Variants in CACNB2 observed in about 807,000 individuals in gnomAD.
The protein encoded by CACNB2 is voltage-dependent L-type calcium channel subunit beta-2.
Under a neutral mutation model 73.3 loss-of-function variants are expected in CACNB2, and 42 were observed. That is an observed-to-expected ratio of 0.57 (90% confidence interval 0.45 to 0.74). CACNB2 has a LOEUF of 0.74. Among genes scored for constraint, CACNB2 ranks in the 30% least tolerant of loss-of-function variants. CACNB2 has a pLI of 0.00. For missense variants in CACNB2, 940 were observed against 853.0 expected, an observed-to-expected ratio of 1.10 and a Z score of -1.27; for synonymous variants, 348 against 310.3, an observed-to-expected ratio of 1.12 and a Z score of -1.28.
rs982247860 is a variant in CACNB2 at position 18,514,307 on chromosome 10, C to T, written c.742C>T (p.Pro248Ser). The T allele has an allele frequency of 1.2e-6, 2 of 1,614,004 alleles. No homozygotes were observed. Among genetic ancestry groups the T allele is most frequent in the Non-Finnish European group, 1.7e-6 (2 of 1,180,018 alleles). ...TCCAGCAAACCACCGCTCCCCTAAA[C>T]CCAGTGCAAACAGTGTAACGTCACC... is the stretch of plus-strand genomic sequence containing the variant. The part of the protein sequence containing the change: ...DIPANHRSPK[P>S]SANSVTSPHS... The change falls in exon 7 of 14, where the codon CCC becomes TCC. Residue 248 changes from proline to serine, a missense_variant. Physicochemically the swap from Pro to Ser is moderately conservative, Grantham distance 74. Transcript: ENST00000324631.
At chr10:18,518,789 T>G (rs2051532801) in intron 8 of CACNB2, 121 bp from the exon 9 acceptor site, 3 of 873,878 alleles carry the variant, frequency 3.4e-6, no homozygotes, top group Non-Finnish European at 5.7e-6. Context: ...AACCTCATAT[T>G]GCCACTCTTT....
intron 6 of CACNB2, among the ~76,000 whole-genome samples, chr10:18,510,852 A>C (rs953844987): frequency 1.3e-5 from 2 of 152,236 alleles, no homozygotes; most frequent in African/African-American, 4.8e-5. Flanking sequence ...GAAACTCTTG[A>C]TTTTGGTTAA....
intron 3 of CACNB2, among the ~76,000 whole-genome samples, chr10:18,410,499 T>C (rs1032439372): frequency 1.3e-5 from 2 of 150,184 alleles, no homozygotes; most frequent in African/African-American, 5.0e-5. Context: ...AGCCTGAAGA[T>C]AGTTTATTTC....
intron 3 of CACNB2, among the ~76,000 whole-genome samples, chr10:18,485,050 G>A (rs951482240): frequency 6.6e-6 from 1 of 152,134 alleles, no homozygotes; most frequent in African/African-American, 2.4e-5. Context: ...AGCTACTTGG[G>A]AGGATCATTT....
Position 18,260,783 on chromosome 10 carries a change from G to A in CACNB2, c.213+109808G>A, listed in dbSNP as rs1333096193. On this transcript the variant is annotated intron_variant, in intron 2 of 13. Coordinates refer to ENST00000324631, the MANE Select transcript of CACNB2 (RefSeq NM_201596.3). ...GGGAGCAGGAACAGCAGCGTGCTAA[G>A]AAGCAGTCACATAAACAGCAGCAGG... is the stretch of plus-strand genomic sequence containing the variant. The A allele has an allele frequency of 4.0e-6, 4 of 1,012,200 alleles. No homozygotes were observed. In the African/African-American group the frequency reaches 6.9e-5, roughly 17 times the overall value. 62.7% of individuals were successfully genotyped at this position (1,012,200 alleles called of 1,614,324 possible). A position where few individuals can be genotyped will look rare whatever the true frequency, so the allele number is the denominator to read the frequency against.
Position 18,162,278 on chromosome 10 carries a change from G to A in CACNB2, c.213+11303G>A, listed in dbSNP as rs1410851015. Among the ~76,000 whole-genome samples, 6 of 152,182 alleles carry A rather than the reference G, an allele frequency of 3.9e-5. No homozygotes were observed. In the East Asian group the frequency reaches 1.2e-3, roughly 29 times the overall value. ...CACCTAAAAGCATGAGAAATAAAGAGCCTCACTTAATGTTTCTCTCTGATA... is the reference window on the plus strand; with the variant it reads ...CACCTAAAAGCATGAGAAATAAAGAACCTCACTTAATGTTTCTCTCTGATA... On this transcript the variant is annotated intron_variant, in intron 2 of 13. Transcript: ENST00000324631.
At chr10:18,231,950 G>A (rs756446151) in intron 2 of CACNB2, among the ~76,000 whole-genome samples, 3 of 152,114 alleles carry the variant, frequency 2.0e-5, no homozygotes, top group African/African-American at 7.2e-5. Context: ...ATACATATTT[G>A]GAATGCTCCA....
At chr10:18,366,444 G>C (rs1377737278) in intron 2 of CACNB2, among the ~76,000 whole-genome samples, 2 of 138,776 alleles carry the variant, frequency 1.4e-5, no homozygotes, top group African/African-American at 2.7e-5. Context: ...CAGCCTGGGC[G>C]ACAGAGTGAG....
chr10:18,167,135 G>C (rs1475094881), intron 2 of CACNB2, among the ~76,000 whole-genome samples: 1 of 152,216 alleles, frequency 6.6e-6, no homozygotes, highest in Non-Finnish European at 1.5e-5. Flanking sequence ...ATGAAATCAT[G>C]TCTTTCACAG....
rs576117374 is a variant in CACNB2, at chr10:18,397,283, A to G, written c.214-4641A>G. On this transcript the variant is annotated intron_variant, in intron 2 of 13. Coordinates refer to ENST00000324631, the MANE Select transcript of CACNB2 (RefSeq NM_201596.3). ...GGAGTTCAAGACCAGACCGGTCAAC[A>G]TGGCAAAACCGTCTCTACTGAAAAT... Among the ~76,000 whole-genome samples, 715 of 111,568 alleles carry G rather than the reference A, an allele frequency of 6.4e-3. 5 individuals are homozygous for G. Among genetic ancestry groups the G allele is most frequent in the African/African-American group, 0.021 (679 of 31,706 alleles). The allele number at this position is 111,568 out of a possible 152,430, so 73.2% of individuals were successfully genotyped here. A position where few individuals can be genotyped will look rare whatever the true frequency, so the allele number is the denominator to read the frequency against.
chr10:18,227,755 C>A (rs754676510), intron 2 of CACNB2, among the ~76,000 whole-genome samples: 3 of 152,126 alleles, frequency 2.0e-5, no homozygotes, highest in Admixed American at 6.5e-5. Flanking sequence ...AAGTATGCTG[C>A]GTGCCTCACC....
Position 18,468,305 on chromosome 10 carries a change from A to C in CACNB2, c.334-30050A>C, listed in dbSNP as rs116751454. 3.2e-3 allele frequency among the ~76,000 whole-genome samples: 482 copies of C among 152,188 alleles called. 1 individual carries two copies. The highest frequency in any genetic ancestry group is 0.011 in the African/African-American group (450 of 41,518). On this transcript the variant is annotated intron_variant, in intron 3 of 13. Coordinates refer to ENST00000324631, the MANE Select transcript of CACNB2 (RefSeq NM_201596.3). ...AAAACCCATCTCCACAAAAAACACT[A>C]AAAAAATTAGCTAGGCATAGTGGCA...
chr10:18,375,092 C>T (rs573267946), intron 2 of CACNB2, among the ~76,000 whole-genome samples: 1 of 152,206 alleles, frequency 6.6e-6, no homozygotes, highest in African/African-American at 2.4e-5. Context: ...GTGGCACACA[C>T]CTGTGGTCCC....
intron 4 of CACNB2, 179 bp downstream of exon 4, chr10:18,498,656 G>A: frequency 1.5e-6 from 1 of 658,692 alleles, no homozygotes; most frequent in Middle Eastern, 4.3e-4. Flanking sequence ...CTTTTAAAGT[G>A]GAAAGAAGTC....
chr10:18,153,971 C>T lies in CACNB2; in HGVS notation c.213+2996C>T, dbSNP rs76013009. Among the ~76,000 whole-genome samples, 409 of 150,788 alleles carry T rather than the reference C, an allele frequency of 2.7e-3. 6 individuals carry two copies. Among genetic ancestry groups the T allele is most frequent in the Non-Finnish European group, 2.2e-4 (15 of 67,808 alleles). ...TGTTTTTTAAACAAGTGACTTGCAT[C>T]GACACATATTGCGTACTTGTCTGTA... is the stretch of plus-strand genomic sequence containing the variant. On this transcript the variant is annotated intron_variant, in intron 2 of 13. Coordinates refer to ENST00000324631, the MANE Select transcript of CACNB2 (RefSeq NM_201596.3).
chr10:18,487,867 C>T (rs890424855), intron 3 of CACNB2, among the ~76,000 whole-genome samples: 1 of 151,012 alleles, frequency 6.6e-6, no homozygotes, highest in African/African-American at 2.4e-5. Context: ...GATAGGAAGA[C>T]ATACATGGTC....
At chr10:18,271,175 T>A (rs1483294565) in intron 2 of CACNB2, among the ~76,000 whole-genome samples, 1 of 152,220 alleles carries the variant, frequency 6.6e-6, no homozygotes, top group African/African-American at 2.4e-5. Flanking sequence ...TTGGTTGATA[T>A]GCATAAAGTA....
At chr10:18,193,944 G>T (rs2034514351) in intron 2 of CACNB2, among the ~76,000 whole-genome samples, 1 of 152,122 alleles carries the variant, frequency 6.6e-6, no homozygotes, top group African/African-American at 2.4e-5. Flanking sequence ...TATGTTAGGA[G>T]GTGATAAGTG....
intron 3 of CACNB2, among the ~76,000 whole-genome samples, chr10:18,418,639 T>G (rs1402079413): frequency 6.6e-6 from 1 of 152,216 alleles, no homozygotes. Context: ...CAAACTGTGT[T>G]CAAATAAGAC....
Sources: gnomAD v4.1 joint callset for allele counts (sites outside exome capture counted in the v4.1 genomes callset) on GRCh38, gnomAD v4.1.1 for gene constraint, MANE v1.5 for transcripts, NCBI Gene and HGNC (gene_info 2026-07-23, HGNC 2026-07-21) for gene names.